CSMD3: variants seen among roughly 807,000 people sequenced by gnomAD.
CSMD3 encodes the protein CUB and sushi domain-containing protein 3.
In CSMD3, 177 loss-of-function variants were observed where a neutral mutation model predicts 435.2. That is an observed-to-expected ratio of 0.41 (90% CI 0.36 to 0.46). CSMD3 has a LOEUF of 0.46. Ranked by LOEUF, CSMD3 falls within the 20% of genes least tolerant of loss-of-function variation. The pLI is 0.34. For missense variants in CSMD3, 4,265 were observed against 4,504.6 expected (o/e 0.95, Z 1.52); for synonymous variants, 1,656 against 1,520.5 (o/e 1.09, Z -2.07).
chr8:112,550,519 T>G, intron 27 of CSMD3, 152 bp downstream of exon 27: 1 of 576,530 alleles, frequency 1.7e-6, no homozygotes. Context: ...CCATGTATAT[T>G]TTACCTTTGC....
chr8:112,829,707 TCTC>T lies in CSMD3; in HGVS notation c.1835_1837del (p.Gly612del). On this transcript the variant is annotated inframe_deletion, in exon 12 of 71. Coordinates refer to ENST00000297405, the MANE Select transcript of CSMD3 (RefSeq NM_198123.2). ...TTACACTTGGAGCACTGTCCTAGGA[TCTC>T]CAACTTCGCCCCCATCGCCAATTGT... 6.2e-7 allele frequency: 1 copy of T among 1,609,786 alleles called. No individual in the cohort carries two copies. Among genetic ancestry groups the T allele is most frequent in the Non-Finnish European group, 8.5e-7 (1 of 1,176,232 alleles).
At position 112,773,175 on chromosome 8, in the gene CSMD3, A is replaced by G. The variant is rs146542689; in HGVS notation, c.1972+26987T>C. Among the ~76,000 whole-genome samples the G allele has an allele frequency of 6.7e-3, 1,020 of 152,166 alleles. 13 individuals carry two copies. Among genetic ancestry groups the G allele is most frequent in the African/African-American group, 0.023 (976 of 41,552 alleles). ...AACAGGAAAAAATGCTAACAGAATA[A>G]AAATGAAATAAAGAATAAACAAAAT... On this transcript the variant is annotated intron_variant, in intron 13 of 70. Coordinates refer to ENST00000297405, the MANE Select transcript of CSMD3 (RefSeq NM_198123.2).
intron 4 of CSMD3, among the ~76,000 whole-genome samples, chr8:113,153,112 A>AGAAG (rs2091854987): frequency 8.2e-6 from 1 of 121,374 alleles, no homozygotes; most frequent in South Asian, 2.7e-4. Flanking sequence ...AAAGAAAGAA[A>AGAAG]GAAAGAAAGA....
chr8:112,257,807 G>A (rs1250764738), intron 61 of CSMD3, among the ~76,000 whole-genome samples: 2 of 152,164 alleles, frequency 1.3e-5, no homozygotes, highest in East Asian at 1.9e-4. Context: ...AATTAGAAAA[G>A]AGCCTGCATA....
chr8:112,847,512 G>A (rs1253969776), intron 11 of CSMD3, among the ~76,000 whole-genome samples: 1 of 152,052 alleles, frequency 6.6e-6, no homozygotes, highest in Non-Finnish European at 1.5e-5. Flanking sequence ...TTCTTGTCCT[G>A]CCTCTCCCAC....
At chr8:112,521,782 T>C (rs916852514) in intron 27 of CSMD3, among the ~76,000 whole-genome samples, 1 of 151,804 alleles carries the variant, frequency 6.6e-6, no homozygotes, top group African/African-American at 2.4e-5. Context: ...TCCAAAATAT[T>C]GTAAAATTAT....
At chr8:112,963,400 T>TA (rs1309850812) in intron 7 of CSMD3, among the ~76,000 whole-genome samples, 2 of 151,934 alleles carry the variant, frequency 1.3e-5, no homozygotes, top group Non-Finnish European at 2.9e-5. Flanking sequence ...ATACCTCTGG[T>TA]ACATGGAAAT....
intron 22 of CSMD3, 135 bp downstream of exon 22, chr8:112,636,682 T>C: frequency 1.3e-6 from 1 of 778,224 alleles, no homozygotes; most frequent in South Asian, 1.5e-5. Flanking sequence ...GATTGCCAAA[T>C]AGAAAAAAAG....
chr8:112,225,859 ATTTG>A (rs745383851), intron 70 of CSMD3, among the ~76,000 whole-genome samples: 3 of 152,058 alleles, frequency 2.0e-5, no homozygotes, highest in Non-Finnish European at 4.4e-5. Context: ...ATTCTGATTC[ATTTG>A]TTTATTTCTT....
chr8:112,754,888 TAC>T (rs777380337), intron 13 of CSMD3, among the ~76,000 whole-genome samples: 1 of 152,180 alleles, frequency 6.6e-6, no homozygotes, highest in Non-Finnish European at 1.5e-5. Context: ...AAGACATGTT[TAC>T]CCCCTCCACA....
intron 32 of CSMD3, among the ~76,000 whole-genome samples, 188 bp downstream of exon 32, chr8:112,472,403 A>G (rs1586437347): frequency 6.6e-6 from 1 of 152,268 alleles, no homozygotes; most frequent in East Asian, 1.9e-4. Flanking sequence ...TGTGTACTTG[A>G]CTGTAAATTC....
chr8:112,909,097 A>G lies in CSMD3; in HGVS notation c.1633+12530T>C, dbSNP rs565139045. On this transcript the variant is annotated intron_variant, in intron 10 of 70. Transcript: ENST00000297405. ...AGACATATTAATGGTTAAAGTAACA[A>G]TATTAGAACATCCAAAGTGTTTATT... is the stretch of plus-strand genomic sequence containing the variant. Among the ~76,000 whole-genome samples the G allele has an allele frequency of 3.3e-5, 5 of 151,692 alleles. No homozygotes were observed. The Admixed American group carries it at 3.3e-4, about 10-fold the overall frequency.
rs1162753820 is a variant in CSMD3 at position 112,563,847 on chromosome 8, T to A, written c.4043-6893A>T. On this transcript the variant is annotated intron_variant, in intron 24 of 70. Coordinates refer to ENST00000297405, the MANE Select transcript of CSMD3 (RefSeq NM_198123.2). ...GGGTGTCATAGCATCTTATTTGGGT[T>A]TCCATTTTCATTTCTTTTTTCTTTC... Among the ~76,000 whole-genome samples the A allele has an allele frequency of 1.1e-4, 16 of 152,072 alleles. 1 individual carries two copies. Among genetic ancestry groups the A allele is most frequent in the Admixed American group, 1.1e-3 (16 of 15,220 alleles).
At chr8:113,397,315 T>C (rs922122716) in intron 1 of CSMD3, among the ~76,000 whole-genome samples, 1 of 152,184 alleles carries the variant, frequency 6.6e-6, no homozygotes, top group African/African-American at 2.4e-5. Flanking sequence ...TTCTTCTTTA[T>C]GGTCTCTTTA....
At chr8:113,005,519 A>G (rs1262861034) in intron 6 of CSMD3, among the ~76,000 whole-genome samples, 1 of 151,996 alleles carries the variant, frequency 6.6e-6, no homozygotes, top group Non-Finnish European at 1.5e-5. Flanking sequence ...TATACTCTCA[A>G]ATGTTTTGTC....
intron 19 of CSMD3, among the ~76,000 whole-genome samples, chr8:112,645,916 A>G (rs2074967322): frequency 6.6e-6 from 1 of 152,186 alleles, no homozygotes; most frequent in Admixed American, 6.5e-5. Context: ...AAGCAAAAAA[A>G]TATTGCTTAG....
At chr8:112,613,613 C>G (rs1218831822) in intron 22 of CSMD3, among the ~76,000 whole-genome samples, 11 of 152,122 alleles carry the variant, frequency 7.2e-5, no homozygotes, top group Non-Finnish European at 1.2e-4. Context: ...CTTTGGCACA[C>G]TACACTTTGC....
At chr8:113,276,151 G>T (rs1487569661) in intron 3 of CSMD3, among the ~76,000 whole-genome samples, 1 of 151,974 alleles carries the variant, frequency 6.6e-6, no homozygotes, top group Non-Finnish European at 1.5e-5. Context: ...GCCAAATAAT[G>T]CCCCTCTACC....
At chr8:113,154,334 T>A (rs763865443) in intron 4 of CSMD3, among the ~76,000 whole-genome samples, 1 of 151,998 alleles carries the variant, frequency 6.6e-6, no homozygotes, top group Non-Finnish European at 1.5e-5. Flanking sequence ...CTGAAATTTA[T>A]TAAAGAAAAC....
Sources: gnomAD v4.1 joint callset for allele counts (sites outside exome capture counted in the v4.1 genomes callset) on GRCh38, gnomAD v4.1.1 for gene constraint, MANE v1.5 for transcripts, NCBI Gene and HGNC (gene_info 2026-07-23, HGNC 2026-07-21) for gene names.